Variants in LRMDA observed in about 807,000 individuals in gnomAD.
LRMDA encodes the protein leucine-rich melanocyte differentiation-associated protein.
LRMDA carries 18 observed loss-of-function variants against 29.8 expected under a neutral mutation model. The observed-to-expected ratio is 0.60, with a 90% CI of 0.42 to 0.90. The LOEUF (loss-of-function observed/expected upper bound fraction) is 0.90. Among genes scored for constraint, LRMDA ranks in the 40% least tolerant of loss-of-function variants. LRMDA has a pLI of 0.00. For synonymous variants in LRMDA, 125 were observed against 109.4 expected, an observed-to-expected ratio of 1.14 and a Z score of -0.89; for missense variants, 273 against 273.9, an observed-to-expected ratio of 1.00 and a Z score of 0.02.
At chr10:76,365,521 A>G (rs1589152850) in intron 6 of LRMDA, among the ~76,000 whole-genome samples, 1 of 152,034 alleles carries the variant, frequency 6.6e-6, no homozygotes, top group East Asian at 1.9e-4. Context: ...ATTTGTTCAT[A>G]TGTTTGTTGG....
chr10:75,988,787 A>C (rs1847306959), intron 2 of LRMDA, among the ~76,000 whole-genome samples: 1 of 151,966 alleles, frequency 6.6e-6, no homozygotes, highest in African/African-American at 2.4e-5. Flanking sequence ...CTCTGCCCTC[A>C]AGCCTCCTCC....
At chr10:75,837,021 G>GA (rs1279740618) in intron 2 of LRMDA, among the ~76,000 whole-genome samples, 4 of 152,010 alleles carry the variant, frequency 2.6e-5, no homozygotes, top group Non-Finnish European at 4.4e-5. Context: ...TAGACTCACT[G>GA]GGTACATAAA....
chr10:76,334,506 G>A (rs1840943274), intron 6 of LRMDA, among the ~76,000 whole-genome samples: 1 of 152,166 alleles, frequency 6.6e-6, no homozygotes, highest in African/African-American at 2.4e-5. Context: ...GGCTGCAAAC[G>A]GACTGAAATT....
chr10:76,075,114 C>T (rs918989487), intron 5 of LRMDA, among the ~76,000 whole-genome samples: 3 of 152,122 alleles, frequency 2.0e-5, no homozygotes, highest in Non-Finnish European at 4.4e-5. Context: ...TTCATAACTG[C>T]AAAAAAGCCT....
Position 75,498,893 on chromosome 10 carries a change from G to C in LRMDA, c.131+60399G>C, listed in dbSNP as rs146147292. 1.9e-3 allele frequency among the ~76,000 whole-genome samples: 294 copies of C among 152,128 alleles called. 2 individuals are homozygous for C. Among genetic ancestry groups the C allele is most frequent in the Admixed American group, 5.0e-3 (77 of 15,248 alleles). On this transcript the variant is annotated intron_variant, in intron 2 of 6. Transcript: ENST00000611255. ...ATCCTCTCCGTCTCAGAAGCCTAAA[G>C]GGGGAGTGAGTTGGTTTTGGGAGGA...
At chr10:76,469,242 G>A (rs543720992) in intron 6 of LRMDA, among the ~76,000 whole-genome samples, 4 of 152,122 alleles carry the variant, frequency 2.6e-5, no homozygotes, top group Non-Finnish European at 4.4e-5. Context: ...TCCCAATCAA[G>A]GGATATGGCA....
intron 6 of LRMDA, among the ~76,000 whole-genome samples, chr10:76,484,608 T>C (rs1277637129): frequency 2.0e-5 from 3 of 151,988 alleles, no homozygotes; most frequent in Non-Finnish European, 4.4e-5. Flanking sequence ...CAGATAAAAC[T>C]GATTTTTGTA....
intron 5 of LRMDA, among the ~76,000 whole-genome samples, chr10:76,215,499 T>C (rs1589379747): frequency 6.6e-6 from 1 of 152,162 alleles, no homozygotes; most frequent in South Asian, 2.1e-4. Flanking sequence ...AGATGAAGTC[T>C]GTTTGTCAAG....
intron 2 of LRMDA, among the ~76,000 whole-genome samples, chr10:75,515,953 T>C (rs1845284131): frequency 6.6e-6 from 1 of 152,080 alleles, no homozygotes; most frequent in Non-Finnish European, 1.5e-5. Context: ...GAACATGTAG[T>C]GTTTGGTTTT....
chr10:75,881,179 AT>A (rs1466180675), intron 2 of LRMDA, among the ~76,000 whole-genome samples: 2 of 152,166 alleles, frequency 1.3e-5, no homozygotes, highest in Non-Finnish European at 2.9e-5. Context: ...ATACATACAT[AT>A]TTAGCAATGG....
chr10:75,821,771 A>AAAAC (rs71024572), intron 2 of LRMDA, among the ~76,000 whole-genome samples: 60,357 of 149,110 alleles, frequency 0.4, 12,253 homozygotes, highest in South Asian at 0.56. Flanking sequence ...TCCATCTCAA[A>AAAAC]AAACAAACAA....
rs201154498 is a variant in LRMDA at position 76,165,219 on chromosome 10, C to T, written c.516+106436C>T. ...AACTCTTGACCTCAGATGATCCATC[C>T]GCCTCGGCCTCCCAAAGTACTGGGA... On this transcript the variant is annotated intron_variant, in intron 5 of 6. Transcript: ENST00000611255. 1.2e-4 allele frequency among the ~76,000 whole-genome samples: 18 copies of T among 152,048 alleles called. No individual in the cohort carries two copies. The East Asian group carries it at 1.9e-3, about 16-fold the overall frequency.
intron 2 of LRMDA, among the ~76,000 whole-genome samples, chr10:75,972,480 T>G (rs1221920929): frequency 6.6e-6 from 1 of 152,174 alleles, no homozygotes; most frequent in Non-Finnish European, 1.5e-5. Context: ...GAAGCGTTTT[T>G]GAAAAACAAT....
At chr10:75,638,222 G>A (rs1454555492) in intron 2 of LRMDA, among the ~76,000 whole-genome samples, 1 of 152,112 alleles carries the variant, frequency 6.6e-6, no homozygotes, top group African/African-American at 2.4e-5. Context: ...CTAGGAACAC[G>A]GTTTGAGAAT....
intron 2 of LRMDA, among the ~76,000 whole-genome samples, chr10:75,668,182 C>A (rs986528384): frequency 6.6e-6 from 1 of 152,224 alleles, no homozygotes; most frequent in Non-Finnish European, 1.5e-5. Flanking sequence ...CTTGCCCTCC[C>A]ATCGCTTTGC....
At chr10:76,203,591 A>G (rs1851472149) in intron 5 of LRMDA, among the ~76,000 whole-genome samples, 1 of 152,262 alleles carries the variant, frequency 6.6e-6, no homozygotes, top group Admixed American at 6.5e-5. Context: ...GACACTTTGT[A>G]AAACAAAACA....
chr10:76,453,676 C>A (rs1321028007), intron 6 of LRMDA, among the ~76,000 whole-genome samples: 1 of 152,080 alleles, frequency 6.6e-6, no homozygotes, highest in African/African-American at 2.4e-5. Flanking sequence ...TATATTTTTC[C>A]TGTAGACACT....
At chr10:76,020,843 G>A (rs1311257640) in intron 2 of LRMDA, among the ~76,000 whole-genome samples, 1 of 152,228 alleles carries the variant, frequency 6.6e-6, no homozygotes, top group Non-Finnish European at 1.5e-5. Flanking sequence ...TGCGCCTGAG[G>A]AATGTCAACC....
intron 2 of LRMDA, among the ~76,000 whole-genome samples, chr10:75,915,984 T>C (rs1454566022): frequency 1.3e-5 from 2 of 152,174 alleles, no homozygotes; most frequent in Non-Finnish European, 2.9e-5. Context: ...GATGTACAGA[T>C]TGGGCTTTTA....
Sources: allele counts gnomAD v4.1 joint callset (sites outside exome capture counted in the v4.1 genomes callset), GRCh38; gene constraint gnomAD v4.1.1; transcripts MANE v1.5; gene names NCBI Gene and HGNC (gene_info 2026-07-23, HGNC 2026-07-21).